The following SVIL variants were observed in gnomAD, a reference collection of about 807,000 sequenced individuals.
SVIL encodes archvillin.
In SVIL, 101 loss-of-function variants were observed where a neutral mutation model predicts 240.4. The ratio of observed to expected loss-of-function variants is 0.42; its 90% CI spans 0.36 to 0.50. The LOEUF (loss-of-function observed/expected upper bound fraction) is 0.50. SVIL is among the 20% of genes least tolerant of loss of function. The pLI is 0.01. For synonymous variants in SVIL, 999 were observed against 1,100.0 expected, an observed-to-expected ratio of 0.91 and a Z score of 1.82; for missense variants, 2,512 against 2,818.7, an observed-to-expected ratio of 0.89 and a Z score of 2.46.
At chr10:29,637,577 G>C (rs537363407), upstream of SVIL, among the ~76,000 whole-genome samples, 1 of 152,226 alleles carries the variant, frequency 6.6e-6, no homozygotes, top group Non-Finnish European at 1.5e-5. Flanking sequence ...ACACAGCATT[G>C]GCAAAAAGAG....
rs988082903 is a variant in SVIL at position 29,698,782 on chromosome 10, G to T, written c.-399-12131C>A. On this transcript the variant is annotated intron_variant, in intron 1 of 35. Coordinates refer to the SVIL transcript ENST00000375400. ...TTTGTATCTAAAAAGAAGTCTAGGC[G>T]CTAGGTATAGACCTTAGGAAGCAGA... Among the ~76,000 whole-genome samples the T allele has an allele frequency of 2.7e-5, 4 of 150,818 alleles. No individual in the cohort carries two copies. In the South Asian group the frequency reaches 8.4e-4, roughly 31 times the overall value.
In SVIL at chr10:29,529,946, A is replaced by G; in HGVS notation, c.2107-102T>C. 2.4e-6 allele frequency: 3 copies of G among 1,241,396 alleles called. No individual in the cohort carries two copies. The Admixed American group carries it at 8.8e-5, about 37-fold the overall frequency. The allele number at this position is 1,241,396 out of a possible 1,614,324, so 76.9% of individuals were successfully genotyped here. A position where few individuals can be genotyped will look rare whatever the true frequency, so the allele number is the denominator to read the frequency against. On this transcript the variant is annotated intron_variant, in intron 11 of 37. Coordinates refer to ENST00000355867, the MANE Select transcript of SVIL (RefSeq NM_021738.3). The stretch of plus-strand genomic sequence containing the variant: ...AGCACTTTGGGAGGCTAAGGAGGGA[A>G]GATTGCTGGAGGCCAAGAGTTCAAG...
chr10:29,539,782 G>C (rs539174608), intron 6 of SVIL, among the ~76,000 whole-genome samples: 5 of 152,218 alleles, frequency 3.3e-5, no homozygotes, highest in African/African-American at 7.2e-5. Context: ...TTTAATAGAC[G>C]TCTTAAATTT....
chr10:29,726,962 G>A (rs1470689736), intron 1 of SVIL, among the ~76,000 whole-genome samples: 6 of 152,028 alleles, frequency 3.9e-5, no homozygotes, highest in Admixed American at 2.0e-4. Flanking sequence ...TGTAAGCTCC[G>A]TGAAGGCAGG....
Position 29,481,742 on chromosome 10 carries a change from G to C in SVIL, c.4956-14C>G. 2 of 1,610,336 alleles carry C rather than the reference G, an allele frequency of 1.2e-6. No individual in the cohort carries two copies. The highest frequency in any genetic ancestry group is 1.8e-4 in the Middle Eastern group (1 of 5,712). ...CCCTGTCCTTTTCTGTAGGGTGGGA[G>C]GGGGGTTGGGAGAACAGACAGGAAA... On this transcript the variant is annotated splice_polypyrimidine_tract_variant and intron_variant, in intron 27 of 37. Coordinates refer to ENST00000355867, the MANE Select transcript of SVIL (RefSeq NM_021738.3).
At chr10:29,496,546 C>T in intron 18 of SVIL, 1 of 372,306 alleles carries the variant, frequency 2.7e-6, no homozygotes, top group South Asian at 2.0e-5. Context: ...CCGGGCAAAC[C>T]CCGCTGCCAT....
Position 29,523,732 on chromosome 10 carries a change from C to T in SVIL, c.2882G>A (p.Ser961Asn), listed in dbSNP as rs376176975. 6.2e-7 allele frequency: 1 copy of T among 1,614,232 alleles called. No homozygotes were observed. The highest frequency in any genetic ancestry group is 1.1e-5 in the South Asian group (1 of 91,086). ...ESKRALTGRD[S>N]GMEKYGSFEE... The stretch of plus-strand genomic sequence containing the variant: ...AAAGGACCCATACTTCTCCATCCCA[C>T]TGTCTCGACCTGTCAAAGCTCTCTT... Residue 961 changes from serine (S) to asparagine (N), a missense_variant, in exon 15 of 38, where the codon AGT becomes AAT. Coordinates refer to ENST00000355867, the MANE Select transcript of SVIL (RefSeq NM_021738.3).
At position 29,717,232 on chromosome 10, in the gene SVIL, C is replaced by CAAAAA. The variant is rs71023503; in HGVS notation, c.-400+18514_-400+18518dup. ...TGGGCGACAGAGCAAGACTCTCTCT[C>CAAAAA]AAAAAAAAAAAAAAAAAAAAAAAAA... is the stretch of plus-strand genomic sequence containing the variant. On this transcript the variant is annotated intron_variant, in intron 1 of 35. Transcript: ENST00000375400. 4.5e-3 allele frequency among the ~76,000 whole-genome samples: 172 copies of CAAAAA among 38,332 alleles called. 11 individuals carry two copies. Among genetic ancestry groups the CAAAAA allele is most frequent in the African/African-American group, 8.0e-3 (84 of 10,440 alleles). 25.1% of individuals were successfully genotyped at this position (38,332 alleles called of 152,430 possible).
At chr10:29,574,157 C>T (rs2132738424) in intron 1 of SVIL, among the ~76,000 whole-genome samples, 1 of 152,250 alleles carries the variant, frequency 6.6e-6, no homozygotes, top group South Asian at 2.1e-4. Context: ...AGGGGCAATG[C>T]TTTATGGAAG....
chr10:29,479,624 T>C (rs887802427), intron 29 of SVIL, among the ~76,000 whole-genome samples: 1 of 152,140 alleles, frequency 6.6e-6, no homozygotes, highest in African/African-American at 2.4e-5. Flanking sequence ...TTCCGTAGAG[T>C]AGGTGCTCAG....
chr10:29,470,627 C>A, intron 31 of SVIL, 144 bp from the exon 32 acceptor site: 1 of 911,310 alleles, frequency 1.1e-6, no homozygotes, highest in Non-Finnish European at 1.7e-6. Flanking sequence ...GGCTGAGGCA[C>A]TGCACAGGGA....
rs1313298055 is a variant in SVIL at position 29,522,578 on chromosome 10, ATAG to A, written c.3218_3220del (p.Thr1073del). 9.3e-6 allele frequency: 15 copies of A among 1,614,168 alleles called. No individual in the cohort carries two copies. The Middle Eastern group carries it at 9.9e-4, about 107-fold the overall frequency. On this transcript the variant is annotated inframe_deletion, in exon 16 of 38. Transcript: ENST00000355867. ...GGACACGGGGGCTGTGGTTTGAGCA[ATAG>A]TTTTCCCAGCAGCTGTCCCCGTCTG...
chr10:29,721,775 C>T (rs1193709351), intron 1 of SVIL, among the ~76,000 whole-genome samples: 1 of 152,206 alleles, frequency 6.6e-6, no homozygotes, highest in Non-Finnish European at 1.5e-5. Flanking sequence ...TATTTCAATA[C>T]TGCTGGGGAT....
chr10:29,729,450 G>GGTGTGTGTGTGTGTGTGTGTGT (rs55940009), intron 1 of SVIL, among the ~76,000 whole-genome samples: 1 of 136,684 alleles, frequency 7.3e-6, no homozygotes, highest in African/African-American at 2.8e-5. Context: ...TGTTTATGGA[G>GGTGTGTGTGTGTGTGTGTGTGT]GTGTGTGTGT....
At chr10:29,530,711 G>C in intron 10 of SVIL, 43 bp from the exon 11 acceptor site, 3 of 1,610,748 alleles carry the variant, frequency 1.9e-6, no homozygotes, top group Non-Finnish European at 2.5e-6. Flanking sequence ...CATTAGAGAA[G>C]GTTAAGTTCG....
At chr10:29,580,188 T>G (rs1955879250) in intron 1 of SVIL, among the ~76,000 whole-genome samples, 1 of 151,718 alleles carries the variant, frequency 6.6e-6, no homozygotes, top group South Asian at 2.1e-4. Context: ...AAAAAAAAAT[T>G]TAGCTGGGCA....
At chr10:29,674,027 A>G (rs975310765) in intron 2 of SVIL, among the ~76,000 whole-genome samples, 1 of 152,154 alleles carries the variant, frequency 6.6e-6, no homozygotes, top group East Asian at 1.9e-4. Context: ...AATTTAGCAT[A>G]AATTTTTTTT....
intron 1 of SVIL, among the ~76,000 whole-genome samples, chr10:29,692,662 TA>T (rs531483823): frequency 3.2e-4 from 48 of 150,160 alleles, no homozygotes; most frequent in African/African-American, 1.1e-3. Flanking sequence ...TATAAAAATA[TA>T]TTTTTTTAAT....
chr10:29,524,020 CTCT>C lies in SVIL; in HGVS notation c.2591_2593del (p.Gln864_Ser865delinsArg). The C allele has an allele frequency of 6.2e-7, 1 of 1,605,406 alleles. No homozygotes were observed. Among genetic ancestry groups the C allele is most frequent in the Non-Finnish European group, 8.5e-7 (1 of 1,175,314 alleles). On this transcript the variant is annotated inframe_deletion, in exon 15 of 38. Coordinates refer to ENST00000355867, the MANE Select transcript of SVIL (RefSeq NM_021738.3). ...AGGTGAGAAAGGAATGAGCTTTCCA[CTCT>C]GCACCTGGAAGGACACAGTTAAAAA...
Sources: allele counts gnomAD v4.1 joint callset (sites outside exome capture counted in the v4.1 genomes callset), GRCh38; gene constraint gnomAD v4.1.1; transcripts MANE v1.5; gene names NCBI Gene and HGNC (gene_info 2026-07-23, HGNC 2026-07-21).